ZDHHC23: variants seen among roughly 807,000 people sequenced by gnomAD.
The protein encoded by ZDHHC23 is zDHHC palmitoyltransferase 23, also known as palmitoyltransferase ZDHHC23.
Under a neutral mutation model 40.2 loss-of-function variants are expected in ZDHHC23, and 41 were observed. The ratio of observed to expected loss-of-function variants is 1.02; its 90% CI spans 0.79 to 1.32. The LOEUF (loss-of-function observed/expected upper bound fraction) is 1.32. Among genes scored for constraint, ZDHHC23 ranks in the 40% most tolerant of loss-of-function variants. The pLI, the probability that ZDHHC23 is intolerant of heterozygous loss-of-function variation, is 0.00. For synonymous variants in ZDHHC23, 204 were observed against 210.2 expected (o/e 0.97, Z 0.26); for missense variants, 471 against 541.5 (o/e 0.87, Z 1.29).
intron 1 of ZDHHC23, 192 bp from the exon 2 acceptor site, chr3:113,948,494 C>G (rs1938331274): frequency 6.5e-6 from 2 of 309,510 alleles, no homozygotes; most frequent in Admixed American, 4.4e-5. Context: ...CCGGCTGTCC[C>G]GGACGCGTGG....
downstream of ZDHHC23, chr3:113,965,091 G>T: frequency 1.1e-6 from 1 of 887,682 alleles, no homozygotes; most frequent in Non-Finnish European, 1.7e-6. Context: ...GTGTGTGGGT[G>T]GGTGGAGATA....
chr3:113,977,746 AG>A, the ZDHHC23 span, among the ~76,000 whole-genome samples: 6 of 152,224 alleles, frequency 3.9e-5, no homozygotes, highest in East Asian at 9.6e-4. Flanking sequence ...GTGGTAACAA[AG>A]GGTGTCCACT....
At position 113,956,359 on chromosome 3, in the gene ZDHHC23, A is replaced by G. The variant is rs1939227526; in HGVS notation, c.893A>G (p.Glu298Gly). 6.2e-7 allele frequency: 1 copy of G among 1,613,892 alleles called. No homozygotes were observed. The highest frequency in any genetic ancestry group is 1.3e-5 in the African/African-American group (1 of 74,900). ...HCVWINSCVG[E>G]SNHQAFILAL... ...TTGAGGATAAATAGCTGCGTTGGAG[A>G]ATCAAATCATCAAGCATTTATACTT... Residue 298 changes from glutamate to glycine, a missense_variant, in exon 4 of 5, where the codon GAA (glutamate) becomes GGA (glycine). By Grantham distance (98) the Glu-to-Gly change is moderately conservative (BLOSUM62 -2). Around this residue, in one of 3 missense-constraint regions of ZDHHC23, gnomAD observed 346 missense variants for 399.8 expected, o/e 0.87. Coordinates refer to ENST00000638807, the MANE Select transcript of ZDHHC23 (RefSeq NM_001320466.2).
chr3:113,956,587 T>G, intron 4 of ZDHHC23, 81 bp downstream of exon 4: 1 of 1,412,948 alleles, frequency 7.1e-7, no homozygotes, highest in South Asian at 1.5e-5. Context: ...ACTACTTGGT[T>G]AGGAGTTCTC....
chr3:113,970,813 C>T, the ZDHHC23 span, among the ~76,000 whole-genome samples: 2 of 151,766 alleles, frequency 1.3e-5, no homozygotes, highest in Non-Finnish European at 2.9e-5. Context: ...TGAGAACATG[C>T]GGTGTTTGGG....
At chr3:113,965,337 G>A (rs781372595), downstream of ZDHHC23, 22 of 1,598,066 alleles carry the variant, frequency 1.4e-5, no homozygotes, top group East Asian at 2.2e-5. Flanking sequence ...TTCCATGTCC[G>A]AAGGGTGATC....
intron 3 of ZDHHC23, among the ~76,000 whole-genome samples, chr3:113,955,359 CGTGTGTGTGTGT>C (rs68123933): frequency 1.4e-5 from 2 of 147,406 alleles, no homozygotes; most frequent in African/African-American, 2.5e-5. Flanking sequence ...TTCACTTATT[CGTGTGTGTGTGT>C]GTGTGTGTGT....
At position 113,960,537 on chromosome 3, in the gene ZDHHC23, TTATC is replaced by T; in HGVS notation, c.*1910_*1913del. On this transcript the variant is annotated 3_prime_UTR_variant, in exon 5 of 5. Transcript: ENST00000638807. ...ATGTCAGCTGTAGAGCCAACTCTGA[TTATC>T]TAGCCATTGATCATACAAATTGATA... 3.5e-6 allele frequency: 5 copies of T among 1,424,642 alleles called. No homozygotes were observed. The highest frequency in any genetic ancestry group is 2.6e-4 in the Middle Eastern group (1 of 3,870). 88.3% of individuals were successfully genotyped at this position (1,424,642 alleles called of 1,614,324 possible).
chr3:113,948,455 A>C (rs1473865996), intron 1 of ZDHHC23: 3 of 256,768 alleles, frequency 1.2e-5, no homozygotes, highest in Admixed American at 9.6e-5. Flanking sequence ...CCCAGCCTGC[A>C]CCCGCAGGTG....
intron 3 of ZDHHC23, among the ~76,000 whole-genome samples, chr3:113,954,953 A>C (rs904637149): frequency 6.6e-6 from 1 of 152,242 alleles, no homozygotes; most frequent in Non-Finnish European, 1.5e-5. Flanking sequence ...GGGCTTTTGT[A>C]CCTGCCAGTT....
chr3:113,964,340 AG>A (rs1247368284), downstream of ZDHHC23: 8 of 152,234 alleles, frequency 5.3e-5, no homozygotes, highest in African/African-American at 1.9e-4. Flanking sequence ...AATTCATAGA[AG>A]AGAGCATTTT....
chr3:113,956,562 T>C (rs917904287), intron 4 of ZDHHC23, 56 bp downstream of exon 4: 5 of 1,530,640 alleles, frequency 3.3e-6, no homozygotes, highest in African/African-American at 2.8e-5. Flanking sequence ...GGTGTTGCCA[T>C]TGACAGGGAC....
At chr3:113,949,808 C>T (rs537997948) in intron 2 of ZDHHC23, among the ~76,000 whole-genome samples, 1 of 152,312 alleles carries the variant, frequency 6.6e-6, no homozygotes, top group African/African-American at 2.4e-5. Flanking sequence ...CCATGAAAAG[C>T]ATTCCCTGGG....
chr3:113,954,482 T>C, intron 3 of ZDHHC23, 72 bp downstream of exon 3: 1 of 1,392,996 alleles, frequency 7.2e-7, no homozygotes, highest in Non-Finnish European at 9.6e-7. Flanking sequence ...TTATCTTCCC[T>C]TGTGCTATCC....
chr3:113,969,120 A>T (rs375907872), downstream of ZDHHC23, among the ~76,000 whole-genome samples: 41 of 152,280 alleles, frequency 2.7e-4, 2 homozygotes, highest in South Asian at 8.1e-3. Context: ...GTGAGAATGC[A>T]CTCATTTACA....
In ZDHHC23 at chr3:113,961,083, A is replaced by C. The variant is rs558660579; in HGVS notation, c.*2453A>C. ...GATGAGTTTATTGTGGAATCTTTGA[A>C]AGGACAAGGCCTCTGTGAATGAATC... On this transcript the variant is annotated 3_prime_UTR_variant, in exon 5 of 5. Transcript: ENST00000638807. 31 of 227,466 alleles carry C rather than the reference A, an allele frequency of 1.4e-4. No individual in the cohort carries two copies. The highest frequency in any genetic ancestry group is 5.2e-4 in the African/African-American group (23 of 44,298). The allele number at this position is 227,466 out of a possible 1,614,324, so 14.1% of individuals were successfully genotyped here.
downstream of ZDHHC23, among the ~76,000 whole-genome samples, chr3:113,969,189 T>C (rs1260907702): frequency 6.6e-6 from 1 of 152,186 alleles, no homozygotes; most frequent in Non-Finnish European, 1.5e-5. Context: ...ATACCTCCCA[T>C]TAGACTCCAC....
chr3:113,957,896 C>A (rs1192939680), intron 4 of ZDHHC23: 5 of 497,566 alleles, frequency 1.0e-5, no homozygotes. Context: ...ATCGTCTTTT[C>A]ATTCCTCAGC....
Position 113,948,724 on chromosome 3 carries a change from A to G in ZDHHC23, c.-79A>G. 6 of 1,551,462 alleles carry G rather than the reference A, an allele frequency of 3.9e-6. No individual in the cohort carries two copies. The highest frequency in any genetic ancestry group is 1.8e-4 in the Middle Eastern group (1 of 5,570). On this transcript the variant is annotated 5_prime_UTR_variant, in exon 2 of 5. Transcript: ENST00000638807. ...AGCAGAGAGAGAGAGGCGTGGACCT[A>G]TTTACGAGATGTAAGTTGTGTTCTT...
Sources: allele counts gnomAD v4.1 joint callset (sites outside exome capture counted in the v4.1 genomes callset), GRCh38; gene constraint gnomAD v4.1.1; regional missense constraint gnomAD v4.1.1; transcripts MANE v1.5; gene names NCBI Gene and HGNC (gene_info 2026-07-23, HGNC 2026-07-21).